TUNAR: variants seen among roughly 807,000 people sequenced by gnomAD.
TUNAR encodes the protein protein TUNAR.
chr14:95,904,560 T>C (rs1172861421), intron 2 of TUNAR, among the ~76,000 whole-genome samples: 1 of 152,162 alleles, frequency 6.6e-6, no homozygotes, highest in Non-Finnish European at 1.5e-5. Flanking sequence ...AGCAGCTTCC[T>C]GGGACAAGAG....
At chr14:95,917,985 C>G (rs1889633388) in intron 2 of TUNAR, among the ~76,000 whole-genome samples, 2 of 151,766 alleles carry the variant, frequency 1.3e-5, no homozygotes, top group Non-Finnish European at 2.9e-5. Flanking sequence ...CACCCAGCCC[C>G]TGGCAGGAAG....
At chr14:95,923,770 C>G (rs1301395788) in exon 3 of TUNAR, 2 of 152,136 alleles carry the variant, frequency 1.3e-5, no homozygotes, top group African/African-American at 2.4e-5. Flanking sequence ...AGGACATTTT[C>G]CCATACTGTC....
intron 2 of TUNAR, among the ~76,000 whole-genome samples, chr14:95,909,066 T>A (rs915827560): frequency 6.6e-6 from 1 of 152,226 alleles, no homozygotes; most frequent in African/African-American, 2.4e-5. Flanking sequence ...AAGTCTGGAC[T>A]AACAGAATTA....
At chr14:95,899,796 G>A (rs1367000279) in intron 2 of TUNAR, among the ~76,000 whole-genome samples, 2 of 152,100 alleles carry the variant, frequency 1.3e-5, no homozygotes, top group Admixed American at 1.3e-4. Flanking sequence ...CCTTCCAAAG[G>A]CCCTGCTTCC....
At chr14:95,893,414 C>T (rs985300465) in intron 2 of TUNAR, among the ~76,000 whole-genome samples, 5 of 152,080 alleles carry the variant, frequency 3.3e-5, no homozygotes, top group Admixed American at 6.5e-5. Context: ...AAAGTGGAAT[C>T]GAAAGTGACC....
rs1244333925 is a variant in TUNAR, at chr14:95,895,304, A to C, written c.12+18127A>C. On this transcript the variant is annotated intron_variant, in intron 2 of 2. Coordinates refer to ENST00000678517, the Ensembl canonical transcript of TUNAR. The surrounding 1 kb of genome is among the most constrained non-coding windows in gnomAD (Gnocchi z 4.5). ...GGGCAGGAAGCTAGGACTGGGCAAG[A>C]TAGAAAGATCTGCCTGCTGGTTTGA... 6.6e-6 allele frequency among the ~76,000 whole-genome samples: 1 copy of C among 152,180 alleles called. No homozygotes were observed. Among genetic ancestry groups the C allele is most frequent in the East Asian group, 1.9e-4 (1 of 5,194 alleles).
At chr14:95,896,233 G>A (rs1215734725) in intron 2 of TUNAR, among the ~76,000 whole-genome samples, 2 of 152,160 alleles carry the variant, frequency 1.3e-5, no homozygotes, top group Non-Finnish European at 2.9e-5. Flanking sequence ...GGAAGAAATG[G>A]GGCTCAGAGT....
At chr14:95,923,849 T>C (rs1889740184) in exon 3 of TUNAR, 1 of 152,204 alleles carries the variant, frequency 6.6e-6, no homozygotes, top group Admixed American at 6.5e-5. Flanking sequence ...CTCGGAGATA[T>C]AAAATGATTG....
intron 2 of TUNAR, among the ~76,000 whole-genome samples, chr14:95,883,186 T>G (rs1176905388): frequency 6.6e-6 from 1 of 152,256 alleles, no homozygotes; most frequent in Non-Finnish European, 1.5e-5. Flanking sequence ...ATGTTGAGAC[T>G]GTTCCTCTCT....
intron 2 of TUNAR, among the ~76,000 whole-genome samples, chr14:95,888,971 G>C (rs901336469): frequency 1.3e-5 from 2 of 152,206 alleles, no homozygotes; most frequent in Admixed American, 6.5e-5. Flanking sequence ...CCTCTGCAGT[G>C]TAAAGTGTGA....
Position 95,922,765 on chromosome 14 carries a change from C to G in TUNAR, c.13-16C>G. The G allele has an allele frequency of 2.5e-6, 1 of 398,900 alleles. No homozygotes were observed. Among genetic ancestry groups the G allele is most frequent in the East Asian group, 3.6e-5 (1 of 28,080 alleles). 24.7% of individuals were successfully genotyped at this position (398,900 alleles called of 1,614,324 possible). On this transcript the variant is annotated splice_polypyrimidine_tract_variant and intron_variant, in intron 2 of 2. Transcript: ENST00000678517. The stretch of plus-strand genomic sequence containing the variant: ...TATAAATGATCATCTTTTGTGCTGC[C>G]TCTTTCCAATTACAGGTTAGCCTGG...
At chr14:95,883,330 C>T (rs1889011204) in intron 2 of TUNAR, among the ~76,000 whole-genome samples, 1 of 152,244 alleles carries the variant, frequency 6.6e-6, no homozygotes, top group African/African-American at 2.4e-5. Flanking sequence ...TCCATCTGTG[C>T]AGGCATGGAG....
chr14:95,878,004 C>T (rs1417656146), intron 2 of TUNAR, among the ~76,000 whole-genome samples: 3 of 152,242 alleles, frequency 2.0e-5, no homozygotes, highest in African/African-American at 7.2e-5. Context: ...AGAACTGCAT[C>T]CTTAACCTTT....
intron 2 of TUNAR, among the ~76,000 whole-genome samples, chr14:95,914,723 G>A (rs1595125360): frequency 6.6e-6 from 1 of 152,148 alleles, no homozygotes; most frequent in Admixed American, 6.5e-5. Flanking sequence ...CATTCATCAA[G>A]CTAGGAGACT....
chr14:95,899,044 C>A (rs548767511), intron 2 of TUNAR, among the ~76,000 whole-genome samples: 110 of 152,298 alleles, frequency 7.2e-4, no homozygotes, highest in Non-Finnish European at 1.2e-3. Context: ...TCCCTTCCCC[C>A]CAAAACTTGA....
At chr14:95,894,905 T>G (rs1889237588) in intron 2 of TUNAR, among the ~76,000 whole-genome samples, 1 of 152,224 alleles carries the variant, frequency 6.6e-6, no homozygotes, top group Non-Finnish European at 1.5e-5. Context: ...GGCTTCCTCT[T>G]GGAGTCCACA....
intron 2 of TUNAR, among the ~76,000 whole-genome samples, chr14:95,910,744 G>A (rs867186096): frequency 2.6e-5 from 4 of 152,322 alleles, no homozygotes; most frequent in South Asian, 2.1e-4. Context: ...TGCCTGTGCT[G>A]GGCATGGGCA....
intron 2 of TUNAR, among the ~76,000 whole-genome samples, chr14:95,909,969 C>T (rs964387244): frequency 2.0e-5 from 3 of 152,194 alleles, no homozygotes; most frequent in Middle Eastern, 3.4e-3. Context: ...CCCCAGCAGG[C>T]GGTGGTGGGA....
chr14:95,908,280 A>T (rs1889456163), intron 2 of TUNAR, among the ~76,000 whole-genome samples: 1 of 152,178 alleles, frequency 6.6e-6, no homozygotes, highest in Admixed American at 6.5e-5. Context: ...GGTCCCCAAG[A>T]GTGCAGGGAG....
Sources: allele counts gnomAD v4.1 joint callset (sites outside exome capture counted in the v4.1 genomes callset), GRCh38; gene constraint gnomAD v4.1.1; non-coding constraint Gnocchi (gnomAD v3.1); transcripts MANE v1.5; gene names NCBI Gene and HGNC (gene_info 2026-07-23, HGNC 2026-07-21).